Variants in PLD5 observed in about 807,000 individuals in gnomAD.
The protein encoded by PLD5 is inactive phospholipase D5.
In PLD5, 36 loss-of-function variants were observed where a neutral mutation model predicts 61.1. That is an observed-to-expected ratio of 0.59 (90% CI 0.45 to 0.78). The LOEUF is 0.78. PLD5 is among the 30% of genes least tolerant of loss of function. The pLI is 0.00. For missense variants in PLD5, 515 were observed against 644.4 expected, an observed-to-expected ratio of 0.80 and a Z score of 2.17; for synonymous variants, 243 against 242.8, an observed-to-expected ratio of 1.00 and a Z score of -0.01.
intron 1 of PLD5, among the ~76,000 whole-genome samples, chr1:242,410,124 C>T (rs555786440): frequency 1.5e-4 from 23 of 152,248 alleles, no homozygotes; most frequent in African/African-American, 4.8e-4. Flanking sequence ...TTTTGGGCGA[C>T]GACTATTTCT....
chr1:242,524,390 C>T lies in PLD5; in HGVS notation c.-114G>A, dbSNP rs1669379319. 7.3e-6 allele frequency: 8 copies of T among 1,093,864 alleles called. No homozygotes were observed. Among genetic ancestry groups the T allele is most frequent in the African/African-American group, 1.7e-5 (1 of 59,536 alleles). The allele number at this position is 1,093,864 out of a possible 1,614,324, so 67.8% of individuals were successfully genotyped here. A position where few individuals can be genotyped will look rare whatever the true frequency, so the allele number is the denominator to read the frequency against. ...CGGGAGCCGGAGGTGGAGCTGGAGA[C>T]TGAGCTGGAGGAGCTGGAGGAGCGA... On this transcript the variant is annotated 5_prime_UTR_variant, in exon 1 of 10. Coordinates refer to ENST00000536534, the MANE Select transcript of PLD5 (RefSeq NM_001372062.1).
At chr1:242,325,409 G>A (rs1273751660) in intron 2 of PLD5, among the ~76,000 whole-genome samples, 4 of 145,100 alleles carry the variant, frequency 2.8e-5, no homozygotes, top group African/African-American at 1.0e-4. Context: ...TGGGGGTTGT[G>A]GGGGGAGAGC....
intron 2 of PLD5, among the ~76,000 whole-genome samples, chr1:242,304,405 T>C (rs1239475883): frequency 1.3e-5 from 2 of 152,230 alleles, no homozygotes; most frequent in Admixed American, 1.3e-4. Flanking sequence ...TCCAGAGGTT[T>C]AAAATAGTTT....
At position 242,163,131 on chromosome 1, in the gene PLD5, TA is replaced by T. The variant is rs199645976; in HGVS notation, c.736-38467del. Among the ~76,000 whole-genome samples, 64 of 126,256 alleles carry T rather than the reference TA, an allele frequency of 5.1e-4. 2 individuals carry two copies. Among genetic ancestry groups the T allele is most frequent in the African/African-American group, 1.4e-3 (48 of 33,448 alleles). The allele number at this position is 126,256 out of a possible 152,430, so 82.8% of individuals were successfully genotyped here. A position where few individuals can be genotyped will look rare whatever the true frequency, so the allele number is the denominator to read the frequency against. On this transcript the variant is annotated intron_variant, in intron 5 of 9. Transcript: ENST00000536534. ...GGGAAAATACTTCCCTCAAGTCTTT[TA>T]TTTTCTTTTCTTTTCTTTCTTTTCT...
chr1:242,505,895 C>A (rs1246825699), intron 1 of PLD5, among the ~76,000 whole-genome samples: 1 of 152,180 alleles, frequency 6.6e-6, no homozygotes, highest in Non-Finnish European at 1.5e-5. Flanking sequence ...GCAGTGCAAG[C>A]ACAAGTGTAG....
At chr1:242,168,845 A>AGTTTTTTT (rs1666517831) in intron 5 of PLD5, among the ~76,000 whole-genome samples, 1 of 29,248 alleles carries the variant, frequency 3.4e-5, no homozygotes, top group Admixed American at 6.3e-4. Flanking sequence ...TAATTAATGA[A>AGTTTTTTT]GTTTTTTTTT....
intron 1 of PLD5, among the ~76,000 whole-genome samples, chr1:242,416,725 T>G (rs1226908297): frequency 6.6e-6 from 1 of 152,250 alleles, no homozygotes; most frequent in African/African-American, 2.4e-5. Context: ...AAATAAAATC[T>G]TGTTTCTTTG....
chr1:242,291,782 G>C (rs148268026), intron 2 of PLD5, among the ~76,000 whole-genome samples: 3,418 of 152,172 alleles, frequency 0.022, 145 homozygotes, highest in African/African-American at 0.078. Flanking sequence ...ACTCCAGCCT[G>C]GGTGACAGAG....
intron 7 of PLD5, among the ~76,000 whole-genome samples, chr1:242,109,449 G>A (rs528641487): frequency 2.0e-5 from 3 of 152,262 alleles, no homozygotes; most frequent in Admixed American, 6.5e-5. Flanking sequence ...CTGCACTCCA[G>A]CCTGGGTGAC....
At chr1:242,107,555 A>G (rs1014629085) in intron 8 of PLD5, 116 bp downstream of exon 8, 2 of 993,464 alleles carry the variant, frequency 2.0e-6, no homozygotes, top group Non-Finnish European at 2.8e-6. Context: ...TGCTTTTTGA[A>G]GATTGCCGTC....
In PLD5 at chr1:242,410,059, T is replaced by C. The variant is rs539927123; in HGVS notation, c.190-61817A>G. ...CTAGCTGCCTAAAATAATGTCTTAA[T>C]AACTCCTATAATATTCCTCCCTGTG... is the stretch of plus-strand genomic sequence containing the variant. On this transcript the variant is annotated intron_variant, in intron 1 of 9. Coordinates refer to ENST00000536534, the MANE Select transcript of PLD5 (RefSeq NM_001372062.1). 4.6e-5 allele frequency among the ~76,000 whole-genome samples: 7 copies of C among 152,316 alleles called. No individual in the cohort carries two copies. The South Asian group carries it at 1.2e-3, about 27-fold the overall frequency.
chr1:242,407,534 A>T (rs2149284828), intron 1 of PLD5, among the ~76,000 whole-genome samples: 1 of 149,440 alleles, frequency 6.7e-6, no homozygotes, highest in East Asian at 2.0e-4. Flanking sequence ...ATACACAAAT[A>T]CATAGTTTTT....
intron 4 of PLD5, among the ~76,000 whole-genome samples, chr1:242,257,038 T>TCTATCTA (rs1673096478): frequency 9.1e-5 from 13 of 142,394 alleles, no homozygotes; most frequent in Admixed American, 5.0e-4. Context: ...CCTACCTACC[T>TCTATCTA]TCTATCTATC....
chr1:242,424,129 T>C (rs71652408), intron 1 of PLD5, among the ~76,000 whole-genome samples: 6,042 of 152,284 alleles, frequency 0.04, 149 homozygotes, highest in Admixed American at 0.08. Flanking sequence ...TAAGTGTTTG[T>C]AATCCCTTCT....
chr1:242,389,488 G>T (rs1220674525), intron 1 of PLD5, among the ~76,000 whole-genome samples: 1 of 151,878 alleles, frequency 6.6e-6, no homozygotes, highest in African/African-American at 2.4e-5. Flanking sequence ...TTAACACATG[G>T]TGTCTAATAA....
At chr1:242,475,400 G>A (rs1667563772) in intron 1 of PLD5, among the ~76,000 whole-genome samples, 1 of 136,600 alleles carries the variant, frequency 7.3e-6, no homozygotes, top group Non-Finnish European at 1.5e-5. Context: ...TCCAGCCTGG[G>A]CGACAGAGCG....
At chr1:242,198,297 A>C (rs6429338) in intron 5 of PLD5, among the ~76,000 whole-genome samples, 7,414 of 152,226 alleles carry the variant, frequency 0.049, 561 homozygotes, top group African/African-American at 0.16. Context: ...TTAAATTTGG[A>C]AGTAAAAATA....
chr1:242,199,583 T>A (rs1668855815), intron 5 of PLD5, among the ~76,000 whole-genome samples: 1 of 152,140 alleles, frequency 6.6e-6, no homozygotes, highest in South Asian at 2.1e-4. Flanking sequence ...CTACACTGAT[T>A]TATTGCACTG....
chr1:242,263,105 A>G (rs533694834), intron 4 of PLD5, among the ~76,000 whole-genome samples: 114 of 152,272 alleles, frequency 7.5e-4, no homozygotes, highest in Middle Eastern at 3.4e-3. Flanking sequence ...ACCCGTCAGA[A>G]GGGCCTTGGC....
Sources: allele counts gnomAD v4.1 joint callset (sites outside exome capture counted in the v4.1 genomes callset), GRCh38; gene constraint gnomAD v4.1.1; transcripts MANE v1.5; gene names NCBI Gene and HGNC (gene_info 2026-07-23, HGNC 2026-07-21).